The following ASTN2 variants were observed in gnomAD, a reference collection of about 807,000 sequenced individuals.
The protein encoded by ASTN2 is astrotactin 2.
Under a neutral mutation model 139.8 loss-of-function variants are expected in ASTN2, and 54 were observed. That is an observed-to-expected ratio of 0.39 (90% CI 0.31 to 0.48). The LOEUF (loss-of-function observed/expected upper bound fraction) is 0.48, where lower values mean the gene tolerates loss of function less well. ASTN2 is among the 20% of genes least tolerant of loss of function. The pLI is 0.95. For missense variants in ASTN2, 1,565 were observed against 1,725.1 expected (o/e 0.91, Z 1.64); for synonymous variants, 756 against 719.5 (o/e 1.05, Z -0.81).
rs138260564 is a variant in ASTN2, at chr9:117,214,679, G to T, written c.694C>A (p.Arg232Ser). 2.6e-6 allele frequency: 4 copies of T among 1,541,848 alleles called. No homozygotes were observed. The highest frequency in any genetic ancestry group is 1.8e-5 in the Admixed American group (1 of 55,280). Residue 232 changes from arginine to serine, a missense_variant, in exon 3 of 23, where the codon CGT (arginine) becomes AGT (serine). By Grantham distance (110) the Arg-to-Ser change is moderately radical (BLOSUM62 -1). Around this residue, in one of 4 missense-constraint regions of ASTN2, gnomAD observed 596 missense variants for 576.8 expected, o/e 1.03. Transcript: ENST00000313400. ...VFTVALYAQR[R>S]WQKRRRIPQK... ...GGGATGCGGCGACGCTTCTGCCAACGTCGCTGGGCGTACAGCGCCACGGTG... is the reference window on the plus strand; with the variant it reads ...GGGATGCGGCGACGCTTCTGCCAACTTCGCTGGGCGTACAGCGCCACGGTG...
At chr9:116,704,871 T>A (rs926712581) in intron 16 of ASTN2, among the ~76,000 whole-genome samples, 1 of 152,170 alleles carries the variant, frequency 6.6e-6, no homozygotes. Context: ...AAGATTTTTT[T>A]AAAGATTTTA....
rs185210935 is a variant in ASTN2 at position 116,875,107 on chromosome 9, G to A, written c.1890-11374C>T. Among the ~76,000 whole-genome samples, 670 of 152,222 alleles carry A rather than the reference G, an allele frequency of 4.4e-3. 4 individuals are homozygous for A. The highest frequency in any genetic ancestry group is 0.015 in the African/African-American group (640 of 41,530). ...ACACATCTCTCACTTTAAATCATAA[G>A]CTAGAAATGATTAAGTTTAGTGAGG... is the stretch of plus-strand genomic sequence containing the variant. On this transcript the variant is annotated intron_variant, in intron 10 of 22. Transcript: ENST00000313400.
At chr9:117,197,491 A>G (rs10983571) in intron 3 of ASTN2, 49,851 of 152,110 alleles carry the variant, frequency 0.33, 8,335 homozygotes, top group East Asian at 0.43. Flanking sequence ...TTCTATATAC[A>G]TTGCTTAATA....
chr9:117,082,404 C>T (rs919536547), intron 5 of ASTN2, among the ~76,000 whole-genome samples: 1 of 152,174 alleles, frequency 6.6e-6, no homozygotes, highest in Non-Finnish European at 1.5e-5. Flanking sequence ...CCTTCCCATG[C>T]TCACCCAGAG....
chr9:116,827,237 A>G (rs1381868439), intron 11 of ASTN2, among the ~76,000 whole-genome samples: 1 of 145,952 alleles, frequency 6.9e-6, no homozygotes, highest in East Asian at 2.2e-4. Flanking sequence ...TGAACCCAGG[A>G]GGCGGAGGTT....
chr9:117,046,799 T>G (rs1838757678), intron 5 of ASTN2, among the ~76,000 whole-genome samples: 9 of 152,352 alleles, frequency 5.9e-5, no homozygotes, highest in Admixed American at 5.2e-4. Flanking sequence ...ATAGCATGCC[T>G]GAATATAGTA....
At chr9:117,087,186 TG>T (rs1164958294) in intron 5 of ASTN2, among the ~76,000 whole-genome samples, 1 of 151,932 alleles carries the variant, frequency 6.6e-6, no homozygotes, top group Non-Finnish European at 1.5e-5. Flanking sequence ...AAATGTTTAT[TG>T]TTTTTTTCTT....
chr9:116,992,673 C>T (rs561430964), intron 7 of ASTN2, among the ~76,000 whole-genome samples: 3 of 152,224 alleles, frequency 2.0e-5, no homozygotes, highest in East Asian at 1.9e-4. Context: ...CTCCTAGGTC[C>T]TATCTTTAGA....
Position 116,967,738 on chromosome 9 carries a change from C to T in ASTN2, c.1889+7470G>A, listed in dbSNP as rs374381877. Among the ~76,000 whole-genome samples the T allele has an allele frequency of 1.1e-4, 17 of 152,334 alleles. No homozygotes were observed. The East Asian group carries it at 3.1e-3, about 28-fold the overall frequency. On this transcript the variant is annotated intron_variant, in intron 10 of 22. Transcript: ENST00000313400. Reference sequence around the variant, plus strand: ...CGGTATCAAGGGCCTTCCCCCCATACTCTGCTGCCGGGATCCTTCTCAAGC... The same window carrying T: ...CGGTATCAAGGGCCTTCCCCCCATATTCTGCTGCCGGGATCCTTCTCAAGC...
intron 1 of ASTN2, among the ~76,000 whole-genome samples, chr9:117,373,648 A>G (rs1330869609): frequency 6.6e-6 from 1 of 152,230 alleles, no homozygotes; most frequent in Non-Finnish European, 1.5e-5. Context: ...AAACTGGAAC[A>G]TATTCCTGCC....
chr9:116,802,175 C>T (rs373865251), intron 13 of ASTN2, among the ~76,000 whole-genome samples: 1 of 151,252 alleles, frequency 6.6e-6, no homozygotes, highest in African/African-American at 2.4e-5. Context: ...CAAGCTCCGC[C>T]TCCCGGGTTT....
At position 116,570,310 on chromosome 9, in the gene ASTN2, C is replaced by T. The variant is rs1030166659; in HGVS notation, c.3355+48014G>A. On this transcript the variant is annotated intron_variant, in intron 19 of 22. Transcript: ENST00000313400. ...ACCAAATCCTATATATTTACTTAAC[C>T]CTTTCTCTCTTATTGTATAAGTTTT... is the stretch of plus-strand genomic sequence containing the variant. Among the ~76,000 whole-genome samples, 5 of 152,220 alleles carry T rather than the reference C, an allele frequency of 3.3e-5. No individual in the cohort carries two copies. The South Asian group carries it at 8.3e-4, about 25-fold the overall frequency.
chr9:117,109,996 C>G (rs1346963101), intron 4 of ASTN2, among the ~76,000 whole-genome samples: 3 of 152,102 alleles, frequency 2.0e-5, no homozygotes, highest in Non-Finnish European at 1.5e-5. Context: ...AGAATCTTCT[C>G]TGAAATACGC....
chr9:117,186,352 C>G (rs1397537362), intron 3 of ASTN2, among the ~76,000 whole-genome samples: 2 of 151,120 alleles, frequency 1.3e-5, no homozygotes, highest in Non-Finnish European at 2.9e-5. Flanking sequence ...CGAGACCACC[C>G]TGGCTAACAC....
At chr9:116,891,556 G>C (rs1833761977) in intron 10 of ASTN2, among the ~76,000 whole-genome samples, 2 of 152,196 alleles carry the variant, frequency 1.3e-5, no homozygotes, top group African/African-American at 2.4e-5. Flanking sequence ...GAAGCACATG[G>C]GTGTGCACAA....
At chr9:116,850,442 C>T (rs564413642) in intron 11 of ASTN2, among the ~76,000 whole-genome samples, 1 of 152,258 alleles carries the variant, frequency 6.6e-6, no homozygotes, top group South Asian at 2.1e-4. Context: ...CCAGTGCTCT[C>T]AAATCCCCAC....
At chr9:116,703,379 G>A (rs1423540411) in intron 16 of ASTN2, among the ~76,000 whole-genome samples, 1 of 151,246 alleles carries the variant, frequency 6.6e-6, no homozygotes, top group Non-Finnish European at 1.5e-5. Flanking sequence ...CTGGATATTA[G>A]CCCTTTGTCA....
chr9:116,579,582 G>A (rs1343761599), intron 19 of ASTN2, among the ~76,000 whole-genome samples: 1 of 152,148 alleles, frequency 6.6e-6, no homozygotes, highest in Admixed American at 6.5e-5. Flanking sequence ...CTGGCCCTAA[G>A]GGCTAACCCT....
chr9:116,638,720 GAGAT>G (rs1857189462), intron 17 of ASTN2, among the ~76,000 whole-genome samples: 2 of 152,260 alleles, frequency 1.3e-5, no homozygotes, highest in East Asian at 1.9e-4. Context: ...AATAAAAAGA[GAGAT>G]AGACAGGTTA....
Sources: allele counts gnomAD v4.1 joint callset (sites outside exome capture counted in the v4.1 genomes callset), GRCh38; gene constraint gnomAD v4.1.1; regional missense constraint gnomAD v4.1.1; transcripts MANE v1.5; gene names NCBI Gene and HGNC (gene_info 2026-07-23, HGNC 2026-07-21).